The following RBFOX1 variants were observed in gnomAD, a reference collection of about 807,000 sequenced individuals.
RBFOX1 encodes the protein RNA binding fox-1 homolog 1.
A neutral mutation model predicts 57.7 loss-of-function variants in RBFOX1; 8 were observed. The ratio of observed to expected loss-of-function variants is 0.14; its 90% CI spans 0.08 to 0.25. The LOEUF is 0.25. RBFOX1 is among the 10% of genes least tolerant of loss of function. RBFOX1 has a pLI of 1.00. For synonymous variants in RBFOX1, 326 were observed against 222.4 expected (o/e 1.47, Z -4.15); for missense variants, 611 against 548.5 (o/e 1.11, Z -1.14).
At chr16:7,249,995 C>T (rs908852956) in intron 4 of RBFOX1, among the ~76,000 whole-genome samples, 1 of 152,128 alleles carries the variant, frequency 6.6e-6, no homozygotes, top group African/African-American at 2.4e-5. Context: ...AAATCCTTTC[C>T]AATTGCCATT....
chr16:7,020,813 G>A (rs182827495), intron 3 of RBFOX1, among the ~76,000 whole-genome samples: 5 of 152,124 alleles, frequency 3.3e-5, no homozygotes, highest in African/African-American at 7.2e-5. Flanking sequence ...CACCCTGACC[G>A]GCTTAAGTGA....
At chr16:5,883,658 G>A (rs536442684) in intron 4 of RBFOX1, among the ~76,000 whole-genome samples, 6 of 152,038 alleles carry the variant, frequency 3.9e-5, no homozygotes, top group African/African-American at 1.4e-4. Flanking sequence ...TAATAAGCCT[G>A]GTGTCTTCAG....
At chr16:7,338,724 C>T (rs879504138) in intron 4 of RBFOX1, among the ~76,000 whole-genome samples, 55 of 152,138 alleles carry the variant, frequency 3.6e-4, no homozygotes, top group Admixed American at 1.8e-3. Flanking sequence ...ATAGAAACAT[C>T]GGCCTTAACA....
chr16:7,683,035 A>ATATATAT (rs2075272137), intron 14 of RBFOX1, among the ~76,000 whole-genome samples: 1 of 870 alleles, frequency 1.1e-3, no homozygotes, highest in African/African-American at 1.4e-3. Flanking sequence ...TATATATATA[A>ATATATAT]AACAGTGCTC....
intron 3 of RBFOX1, among the ~76,000 whole-genome samples, chr16:6,710,109 A>C (rs2063463512): frequency 6.6e-6 from 1 of 152,148 alleles, no homozygotes; most frequent in African/African-American, 2.4e-5. Flanking sequence ...AACCACAGCA[A>C]AAATACCATG....
chr16:7,078,760 G>A (rs2058694035), intron 4 of RBFOX1, among the ~76,000 whole-genome samples: 1 of 145,864 alleles, frequency 6.9e-6, no homozygotes, highest in African/African-American at 2.5e-5. Context: ...TAGGCTCACT[G>A]CAACCTCCAC....
intron 3 of RBFOX1, among the ~76,000 whole-genome samples, chr16:5,646,361 C>T (rs1446178301): frequency 1.3e-5 from 2 of 151,872 alleles, no homozygotes; most frequent in African/African-American, 4.8e-5. Flanking sequence ...CTGATCTCAA[C>T]CTCCTTGACT....
At chr16:6,689,117 T>C (rs1000826721) in intron 3 of RBFOX1, among the ~76,000 whole-genome samples, 7 of 152,230 alleles carry the variant, frequency 4.6e-5, no homozygotes, top group African/African-American at 1.7e-4. Context: ...TATGTCTTTA[T>C]AGCAGAATGA....
At chr16:7,014,348 G>T (rs1375986698) in intron 3 of RBFOX1, among the ~76,000 whole-genome samples, 1 of 151,830 alleles carries the variant, frequency 6.6e-6, no homozygotes, top group Non-Finnish European at 1.5e-5. Flanking sequence ...TAGTAGCCAG[G>T]ATTACAGTCA....
chr16:7,481,172 A>G (rs187449151), intron 4 of RBFOX1, among the ~76,000 whole-genome samples: 28 of 152,264 alleles, frequency 1.8e-4, no homozygotes, highest in African/African-American at 6.7e-4. Flanking sequence ...GGCTGTCTGG[A>G]TTAGAAACTG....
At chr16:6,886,128 C>T (rs34747147) in intron 3 of RBFOX1, among the ~76,000 whole-genome samples, 1 of 147,580 alleles carries the variant, frequency 6.8e-6, no homozygotes, top group Non-Finnish European at 1.5e-5. Flanking sequence ...GTGACGTGAT[C>T]TCGGCTCACT....
At chr16:7,139,364 C>T (rs902610593) in intron 4 of RBFOX1, among the ~76,000 whole-genome samples, 2 of 152,158 alleles carry the variant, frequency 1.3e-5, no homozygotes, top group Non-Finnish European at 1.5e-5. Context: ...AATTGTCTTT[C>T]TGCCATGCTT....
chr16:7,078,714 G>C (rs1326537276), intron 4 of RBFOX1, among the ~76,000 whole-genome samples: 1 of 141,384 alleles, frequency 7.1e-6, no homozygotes, highest in Non-Finnish European at 1.5e-5. Context: ...ACAGGCTCTC[G>C]CTCTGTCACC....
At chr16:5,580,322 C>G (rs1206615091) in intron 2 of RBFOX1, among the ~76,000 whole-genome samples, 2 of 152,212 alleles carry the variant, frequency 1.3e-5, no homozygotes, top group Admixed American at 6.5e-5. Flanking sequence ...GCTGCAGGGA[C>G]TGATTGGTAA....
intron 4 of RBFOX1, among the ~76,000 whole-genome samples, chr16:7,502,949 G>A (rs1176922599): frequency 6.6e-6 from 1 of 152,052 alleles, no homozygotes; most frequent in African/African-American, 2.4e-5. Flanking sequence ...CTTGAATCTG[G>A]GACACTGAGG....
intron 1 of RBFOX1, among the ~76,000 whole-genome samples, chr16:6,225,843 A>G (rs2097413000): frequency 6.6e-6 from 1 of 152,226 alleles, no homozygotes; most frequent in Non-Finnish European, 1.5e-5. Flanking sequence ...ACATCTTTAC[A>G]AAAGTTGTTC....
chr16:5,876,344 G>A (rs2057610547), intron 4 of RBFOX1, among the ~76,000 whole-genome samples: 2 of 152,104 alleles, frequency 1.3e-5, no homozygotes, highest in East Asian at 3.8e-4. Context: ...CTGTTTTACA[G>A]ATGAGCATAC....
At chr16:7,276,486 T>C (rs542200309) in intron 4 of RBFOX1, among the ~76,000 whole-genome samples, 2 of 152,302 alleles carry the variant, frequency 1.3e-5, no homozygotes, top group South Asian at 4.1e-4. Context: ...ATTCTCTCTT[T>C]TTATCTCCTT....
chr16:6,558,032 C>A (rs919548200), intron 2 of RBFOX1, among the ~76,000 whole-genome samples: 5 of 152,136 alleles, frequency 3.3e-5, no homozygotes, highest in Non-Finnish European at 5.9e-5. Context: ...AAATTGAGAT[C>A]TATTTTTCAT....
Sources: gnomAD v4.1 joint callset for allele counts (sites outside exome capture counted in the v4.1 genomes callset) on GRCh38, gnomAD v4.1.1 for gene constraint, MANE v1.5 for transcripts, NCBI Gene and HGNC (gene_info 2026-07-23, HGNC 2026-07-21) for gene names.